Variants in CRIM1 observed in about 807,000 individuals in gnomAD.
CRIM1 encodes the protein cysteine-rich motor neuron 1 protein.
In CRIM1, 32 loss-of-function variants were observed where a neutral mutation model predicts 116.4. That is an observed-to-expected ratio of 0.27 (90% CI 0.21 to 0.37). The LOEUF is 0.37. Ranked by LOEUF, CRIM1 falls within the 10% of genes least tolerant of loss-of-function variation. The pLI is 1.00. For synonymous variants in CRIM1, 590 were observed against 509.2 expected (o/e 1.16, Z -2.13); for missense variants, 1,331 against 1,354.8 (o/e 0.98, Z 0.28).
chr2:36,465,939 G>A, intron 5 of CRIM1, among the ~76,000 whole-genome samples: 1 of 150,894 alleles, frequency 6.6e-6, no homozygotes, highest in East Asian at 2.0e-4. Context: ...AGGCTGGAGT[G>A]CAGTGGCGCA....
intron 13 of CRIM1, among the ~76,000 whole-genome samples, chr2:36,530,340 C>T (rs17019008): frequency 0.068 from 10,374 of 152,122 alleles, 542 homozygotes; most frequent in African/African-American, 0.15. Context: ...TTTCTCAGAT[C>T]CCTGCATCAT....
chr2:36,401,663 G>A (rs1267960985), intron 2 of CRIM1, among the ~76,000 whole-genome samples: 2 of 152,198 alleles, frequency 1.3e-5, no homozygotes, highest in Non-Finnish European at 2.9e-5. Context: ...CAGTGAATAA[G>A]TTGAACTTTT....
At chr2:36,496,110 A>G (rs990983734) in intron 7 of CRIM1, among the ~76,000 whole-genome samples, 1 of 152,196 alleles carries the variant, frequency 6.6e-6, no homozygotes, top group Non-Finnish European at 1.5e-5. Context: ...GGGTATTAGC[A>G]GTAAGGACCC....
At chr2:36,443,396 G>A (rs1017320514) in intron 4 of CRIM1, among the ~76,000 whole-genome samples, 7 of 151,996 alleles carry the variant, frequency 4.6e-5, no homozygotes, top group Admixed American at 2.6e-4. Flanking sequence ...TCCCTCCTTC[G>A]TACTTGGCTT....
chr2:36,509,961 T>G, intron 8 of CRIM1, 22 bp from the exon 9 acceptor site: 1 of 1,608,874 alleles, frequency 6.2e-7, no homozygotes. Flanking sequence ...GGAAGAAACA[T>G]GCCGTCTCTG....
chr2:36,526,628 C>G (rs1359203490), intron 13 of CRIM1, among the ~76,000 whole-genome samples: 1 of 152,158 alleles, frequency 6.6e-6, no homozygotes, highest in Non-Finnish European at 1.5e-5. Flanking sequence ...TGAGCCCTGA[C>G]CACATCAACC....
At chr2:36,441,994 C>T (rs1675867399) in intron 3 of CRIM1, among the ~76,000 whole-genome samples, 1 of 152,204 alleles carries the variant, frequency 6.6e-6, no homozygotes, top group Non-Finnish European at 1.5e-5. Flanking sequence ...GCCAATTCCC[C>T]CGCATCTGCC....
chr2:36,528,481 C>T (rs1291035024), intron 13 of CRIM1, among the ~76,000 whole-genome samples: 2 of 152,178 alleles, frequency 1.3e-5, no homozygotes, highest in African/African-American at 2.4e-5. Context: ...AAATAGGGCT[C>T]ATTTATTTTG....
At chr2:36,519,962 G>C (rs1160933136) in intron 12 of CRIM1, among the ~76,000 whole-genome samples, 1 of 152,054 alleles carries the variant, frequency 6.6e-6, no homozygotes, top group African/African-American at 2.4e-5. Context: ...TGAAAACACT[G>C]GTAAAGATCA....
intron 5 of CRIM1, among the ~76,000 whole-genome samples, chr2:36,475,988 T>G (rs562044764): frequency 6.6e-6 from 1 of 152,304 alleles, no homozygotes; most frequent in East Asian, 1.9e-4. Context: ...TAGTAATTTT[T>G]TTTAAGATTT....
At chr2:36,468,946 A>G (rs902116660) in intron 5 of CRIM1, among the ~76,000 whole-genome samples, 11 of 152,238 alleles carry the variant, frequency 7.2e-5, no homozygotes, top group African/African-American at 1.9e-4. Flanking sequence ...CTCTGTCTGT[A>G]TGACCTACTT....
rs1422953392 is a variant in CRIM1 at position 36,531,835 on chromosome 2, T to G, written c.2429-5517T>G. 9 of 464,350 alleles carry G rather than the reference T, an allele frequency of 1.9e-5. No homozygotes were observed. In the Admixed American group the frequency reaches 2.2e-4, roughly 11 times the overall value. 28.8% of individuals were successfully genotyped at this position (464,350 alleles called of 1,614,324 possible). On this transcript the variant is annotated intron_variant, in intron 13 of 16. Transcript: ENST00000280527. Reference sequence around the variant, plus strand: ...ACATTGTATATTTTTATTGTAATCATATGTGATGCAAGATAATATTGCTCA... The same window carrying G: ...ACATTGTATATTTTTATTGTAATCAGATGTGATGCAAGATAATATTGCTCA...
At chr2:36,395,999 G>C (rs192964614) in intron 1 of CRIM1, among the ~76,000 whole-genome samples, 1 of 152,094 alleles carries the variant, frequency 6.6e-6, no homozygotes, top group Admixed American at 6.6e-5. Flanking sequence ...GATCAACCTC[G>C]TGGGCTCAAG....
At chr2:36,362,002 C>G (rs1259733197) in intron 1 of CRIM1, among the ~76,000 whole-genome samples, 4 of 152,092 alleles carry the variant, frequency 2.6e-5, no homozygotes, top group Non-Finnish European at 4.4e-5. Flanking sequence ...ATCAGTCATT[C>G]ATTCATTGGT....
intron 4 of CRIM1, among the ~76,000 whole-genome samples, chr2:36,454,919 A>G (rs1677021793): frequency 6.6e-6 from 1 of 152,162 alleles, no homozygotes; most frequent in African/African-American, 2.4e-5. Context: ...CAGAAGGAGG[A>G]TAAAGAGGCA....
At position 36,550,022 on chromosome 2, in the gene CRIM1, TGTGTGTGTGAGA is replaced by T. The variant is rs1558432215; in HGVS notation, c.*1324_*1335del. 6.6e-6 allele frequency: 1 copy of T among 150,668 alleles called. No homozygotes were observed. Among genetic ancestry groups the T allele is most frequent in the African/African-American group, 2.5e-5 (1 of 40,254 alleles). The allele number at this position is 150,668 out of a possible 1,614,324, so 9.3% of individuals were successfully genotyped here. A position where few individuals can be genotyped will look rare whatever the true frequency, so the allele number is the denominator to read the frequency against. ...TCTACCTGCAGTTTAATTGGAAAGA[TGTGTGTGTGAGA>T]GTATGTATGTGTGTGTGTGTGTGTG... On this transcript the variant is annotated 3_prime_UTR_variant, in exon 17 of 17. Coordinates refer to ENST00000280527, the MANE Select transcript of CRIM1 (RefSeq NM_016441.3).
chr2:36,390,928 G>T (rs936811815), intron 1 of CRIM1, among the ~76,000 whole-genome samples: 4 of 151,568 alleles, frequency 2.6e-5, no homozygotes, highest in African/African-American at 9.7e-5. Context: ...TCATGCCTCA[G>T]CCTCCCAATT....
At chr2:36,399,558 G>A (rs1360137023) in intron 2 of CRIM1, among the ~76,000 whole-genome samples, 1 of 152,214 alleles carries the variant, frequency 6.6e-6, no homozygotes, top group Non-Finnish European at 1.5e-5. Flanking sequence ...AGTAATAGAA[G>A]TAGGAAGACT....
intron 2 of CRIM1, among the ~76,000 whole-genome samples, chr2:36,413,426 A>C (rs1414195989): frequency 6.6e-6 from 1 of 152,056 alleles, no homozygotes; most frequent in Non-Finnish European, 1.5e-5. Context: ...TCTGTCCTTT[A>C]ATTTTTTTCA....
Sources: gnomAD v4.1 joint callset for allele counts (sites outside exome capture counted in the v4.1 genomes callset) on GRCh38, gnomAD v4.1.1 for gene constraint, MANE v1.5 for transcripts, NCBI Gene and HGNC (gene_info 2026-07-23, HGNC 2026-07-21) for gene names.